Variants in ADORA2B observed in about 807,000 individuals in gnomAD.
ADORA2B encodes adenosine receptor A2b.
A neutral mutation model predicts 20.8 loss-of-function variants in ADORA2B; 18 were observed. The observed-to-expected ratio is 0.87, with a 90% confidence interval of 0.60 to 1.29. The LOEUF (loss-of-function observed/expected upper bound fraction) is 1.29, where lower values mean the gene tolerates loss of function less well. Among genes scored for constraint, ADORA2B ranks in the 50% most tolerant of loss-of-function variants. The pLI is 0.00. For synonymous variants in ADORA2B, 179 were observed against 178.3 expected (o/e 1.00, Z -0.03); for missense variants, 441 against 422.7 (o/e 1.04, Z -0.38).
At chr17:15,882,249 G>A in the ADORA2B span, among the ~76,000 whole-genome samples, 1 of 152,174 alleles carries the variant, frequency 6.6e-6, no homozygotes, top group Non-Finnish European at 1.5e-5. Context: ...CATGCCCCCT[G>A]GAGGTGGTGG....
At chr17:15,925,224 C>T in the ADORA2B span, among the ~76,000 whole-genome samples, 2 of 151,958 alleles carry the variant, frequency 1.3e-5, no homozygotes, top group Non-Finnish European at 2.9e-5. Context: ...TTAGTAGAGA[C>T]GGGGTTTTAC....
At chr17:15,956,590 C>CTTTTTTTTTTTTTTTTTTTTTTTTT (rs11290214) in intron 1 of ADORA2B, among the ~76,000 whole-genome samples, 6 of 51,420 alleles carry the variant, frequency 1.2e-4, no homozygotes, top group African/African-American at 2.6e-4. Flanking sequence ...TTATGTGTGT[C>CTTTTTTTTTTTTTTTTTTTTTTTTT]TTTTTTTTTT....
At position 15,945,458 on chromosome 17, in the gene ADORA2B, C is replaced by G. The variant is rs769760608; in HGVS notation, c.210C>G (p.Gly70=). 3 of 1,613,578 alleles carry G rather than the reference C, an allele frequency of 1.9e-6. No homozygotes were observed. The highest frequency in any genetic ancestry group is 2.5e-6 in the Non-Finnish European group (3 of 1,179,976). Residue 70 remains glycine (G), a synonymous_variant, in exon 1 of 2, where the codon GGC becomes GGG. Coordinates refer to ENST00000304222, the MANE Select transcript of ADORA2B (RefSeq NM_000676.4). ...AIPFAITISL[G]FCTDFYGCLF... ...CCTTTGCCATCACCATCAGCCTGGG[C>G]TTCTGCACTGACTTCTACGGCTGCC...
chr17:15,941,834 TTAA>T (rs2151588433), upstream of ADORA2B, among the ~76,000 whole-genome samples: 1 of 151,950 alleles, frequency 6.6e-6, no homozygotes, highest in South Asian at 2.1e-4. Flanking sequence ...ATTATAATAT[TTAA>T]TAATAATAAT....
At chr17:15,925,937 TC>T in the ADORA2B span, among the ~76,000 whole-genome samples, 1 of 152,000 alleles carries the variant, frequency 6.6e-6, no homozygotes. Flanking sequence ...TCTACTGCAC[TC>T]CAGCCTGGGC....
Position 15,975,449 on chromosome 17 carries a change from T to TTCACAAG in ADORA2B, c.*107_*108insTCACAAG. The TTCACAAG allele has an allele frequency of 8.2e-7, 1 of 1,219,526 alleles. No homozygotes were observed. The highest frequency in any genetic ancestry group is 1.1e-6 in the Non-Finnish European group (1 of 876,498). The allele number at this position is 1,219,526 out of a possible 1,614,324, so 75.5% of individuals were successfully genotyped here. ...AGCTACACCTCACAAGGAAATGGAC[T>TTCACAAG]GCCTCTCTTGAGCACTTCCCTGGAG... is the stretch of plus-strand genomic sequence containing the variant. On this transcript the variant is annotated 3_prime_UTR_variant, in exon 2 of 2. Transcript: ENST00000304222.
chr17:15,971,024 C>T (rs1436927980), intron 1 of ADORA2B, among the ~76,000 whole-genome samples: 2 of 152,210 alleles, frequency 1.3e-5, no homozygotes, highest in African/African-American at 2.4e-5. Context: ...TGGCCAGAAC[C>T]ACTTCATGTA....
At chr17:15,963,288 A>C (rs1448400625) in intron 1 of ADORA2B, among the ~76,000 whole-genome samples, 1 of 152,210 alleles carries the variant, frequency 6.6e-6, no homozygotes. Flanking sequence ...ATGAGGAGTA[A>C]GATACTTACA....
the ADORA2B span, among the ~76,000 whole-genome samples, chr17:15,917,351 C>T: frequency 0.085 from 12,974 of 152,236 alleles, 1,549 homozygotes; most frequent in African/African-American, 0.26. Context: ...GCGGGGACAG[C>T]GGTACCCACG....
the ADORA2B span, among the ~76,000 whole-genome samples, chr17:15,884,915 T>C: frequency 6.6e-6 from 1 of 152,206 alleles, no homozygotes. Context: ...GAATGATTTA[T>C]GTTCTTTTGG....
At chr17:15,948,399 G>GGT in intron 1 of ADORA2B, among the ~76,000 whole-genome samples, 1 of 47,350 alleles carries the variant, frequency 2.1e-5, no homozygotes, top group Non-Finnish European at 7.0e-5. Flanking sequence ...GGGCCCTGGC[G>GGT]GCGGGGGGCT....
chr17:15,860,961 A>G, the ADORA2B span: 2 of 153,094 alleles, frequency 1.3e-5, no homozygotes, highest in African/African-American at 2.4e-5. Flanking sequence ...CCAGAGGGAA[A>G]GTGGAAGTGG....
At chr17:15,923,468 G>A in the ADORA2B span, among the ~76,000 whole-genome samples, 2 of 150,884 alleles carry the variant, frequency 1.3e-5, no homozygotes, top group Non-Finnish European at 2.9e-5. Flanking sequence ...GCAGTGGCGC[G>A]ATCTCGGCTC....
chr17:15,962,089 G>T (rs1023843368), intron 1 of ADORA2B, among the ~76,000 whole-genome samples: 1 of 152,160 alleles, frequency 6.6e-6, no homozygotes, highest in Non-Finnish European at 1.5e-5. Context: ...GATCACTTGA[G>T]GTCAGGAGTT....
intron 1 of ADORA2B, among the ~76,000 whole-genome samples, chr17:15,955,828 C>T (rs192107459): frequency 3.2e-3 from 483 of 151,830 alleles, no homozygotes; most frequent in African/African-American, 0.011. Flanking sequence ...AAGTGATTCT[C>T]CTGCCTCAGC....
At chr17:15,885,338 G>A in the ADORA2B span, among the ~76,000 whole-genome samples, 6 of 152,090 alleles carry the variant, frequency 3.9e-5, no homozygotes, top group Non-Finnish European at 7.4e-5. Flanking sequence ...TGTTCTTTGG[G>A]GCAATGCAAG....
At chr17:15,856,518 G>A in the ADORA2B span, among the ~76,000 whole-genome samples, 1 of 151,980 alleles carries the variant, frequency 6.6e-6, no homozygotes, top group Non-Finnish European at 1.5e-5. Flanking sequence ...CTGGGTAACA[G>A]GCAGAGGTTA....
chr17:15,903,493 G>A, the ADORA2B span, among the ~76,000 whole-genome samples: 31 of 152,144 alleles, frequency 2.0e-4, no homozygotes, highest in Non-Finnish European at 3.7e-4. Context: ...GGGGAAGAAA[G>A]CACCTTCTAG....
intron 1 of ADORA2B, among the ~76,000 whole-genome samples, chr17:15,963,120 A>G (rs1367601262): frequency 6.6e-6 from 1 of 152,196 alleles, no homozygotes; most frequent in Non-Finnish European, 1.5e-5. Context: ...TTAATAAAAA[A>G]TAGTGAATTA....
Sources: allele counts gnomAD v4.1 joint callset (sites outside exome capture counted in the v4.1 genomes callset), GRCh38; gene constraint gnomAD v4.1.1; transcripts MANE v1.5; gene names NCBI Gene and HGNC (gene_info 2026-07-23, HGNC 2026-07-21).